KIF25: variants seen among roughly 807,000 people sequenced by gnomAD.
The protein encoded by KIF25 is kinesin-like protein KIF25.
In KIF25, 19 loss-of-function variants were observed where a neutral mutation model predicts 32.9. That is an observed-to-expected ratio of 0.58 (90% CI 0.40 to 0.85). The LOEUF (loss-of-function observed/expected upper bound fraction) is 0.85, where lower values mean the gene tolerates loss of function less well. Ranked by LOEUF, KIF25 falls within the 40% of genes least tolerant of loss-of-function variation. KIF25 has a pLI of 0.00. For missense variants in KIF25, 485 were observed against 507.0 expected (o/e 0.96, Z 0.42); for synonymous variants, 225 against 213.7 (o/e 1.05, Z -0.46).
intron 4 of KIF25, among the ~76,000 whole-genome samples, chr6:168,005,765 C>G (rs1270030047): frequency 6.6e-6 from 1 of 152,226 alleles, no homozygotes; most frequent in East Asian, 1.9e-4. Context: ...TTTCTGCCTG[C>G]TTTATATTTG....
intron 8 of KIF25, among the ~76,000 whole-genome samples, chr6:168,037,395 T>C (rs929527614): frequency 6.6e-6 from 1 of 152,170 alleles, no homozygotes; most frequent in African/African-American, 2.4e-5. Context: ...ACTGAGGACT[T>C]CCCGCCCGGT....
At chr6:168,035,804 G>A (rs1799016889) in intron 8 of KIF25, 3 of 455,956 alleles carry the variant, frequency 6.6e-6, no homozygotes, top group African/African-American at 2.0e-5. Context: ...GCTCTTCCAA[G>A]TGAGTGGCCC....
At chr6:168,041,760 C>T (rs949032141) in intron 10 of KIF25, among the ~76,000 whole-genome samples, 1 of 152,212 alleles carries the variant, frequency 6.6e-6, no homozygotes, top group African/African-American at 2.4e-5. Context: ...TTCAACCTTC[C>T]ACAGTGAAGA....
chr6:168,034,447 C>T (rs1480029839), intron 8 of KIF25, among the ~76,000 whole-genome samples: 3 of 152,162 alleles, frequency 2.0e-5, no homozygotes, highest in Middle Eastern at 3.4e-3. Context: ...TTAGTAGAGA[C>T]GGAGTTTCGC....
At chr6:168,042,811 A>C in intron 12 of KIF25, 95 bp downstream of exon 12, 2 of 1,398,242 alleles carry the variant, frequency 1.4e-6, no homozygotes, top group Non-Finnish European at 1.9e-6. Flanking sequence ...AGGGCCACCC[A>C]TGCACCCCCT....
intron 5 of KIF25, among the ~76,000 whole-genome samples, chr6:168,026,648 A>G (rs552298808): frequency 6.6e-6 from 1 of 152,298 alleles, no homozygotes; most frequent in African/African-American, 2.4e-5. Context: ...GGAAAGTTCA[A>G]TTTTACTATT....
chr6:168,029,882 C>T (rs993874160), intron 6 of KIF25, among the ~76,000 whole-genome samples: 2 of 152,344 alleles, frequency 1.3e-5, no homozygotes, highest in Admixed American at 6.5e-5. Flanking sequence ...TCATAAGGGT[C>T]CCCTCCCCCA....
Position 168,029,508 on chromosome 6 carries a change from A to C in KIF25, c.-78A>C. ...CCTTTACAGATATACTGGCCTTCCCAGCTGACATGGACCTCAGGTCAGCTT... is the reference window on the plus strand; with the variant it reads ...CCTTTACAGATATACTGGCCTTCCCCGCTGACATGGACCTCAGGTCAGCTT... On this transcript the variant is annotated 5_prime_UTR_variant, in exon 6 of 13. Transcript: ENST00000643607. 1 of 1,562,228 alleles carries C rather than the reference A, an allele frequency of 6.4e-7. No homozygotes were observed. Among genetic ancestry groups the C allele is most frequent in the Non-Finnish European group, 8.7e-7 (1 of 1,155,368 alleles).
intron 5 of KIF25, 142 bp from the exon 6 acceptor site, chr6:168,029,350 A>T: frequency 1.8e-6 from 1 of 566,610 alleles, no homozygotes; most frequent in Admixed American, 3.8e-5. Flanking sequence ...TTTCTAAAAC[A>T]CCAGCTGGAA....
intron 12 of KIF25, 72 bp downstream of exon 12, chr6:168,042,788 C>G: frequency 6.6e-7 from 1 of 1,512,520 alleles, no homozygotes; most frequent in Non-Finnish European, 8.9e-7. Context: ...CACTTCTGGC[C>G]TGCACGTCCT....
intron 4 of KIF25, among the ~76,000 whole-genome samples, chr6:168,007,346 G>A (rs1040726208): frequency 2.6e-5 from 4 of 152,146 alleles, no homozygotes; most frequent in Admixed American, 6.5e-5. Context: ...GGGAGGCAGA[G>A]GCTGCAGTGA....
At chr6:168,041,119 C>G (rs1474656369) in intron 10 of KIF25, among the ~76,000 whole-genome samples, 1 of 152,236 alleles carries the variant, frequency 6.6e-6, no homozygotes, top group Admixed American at 6.5e-5. Flanking sequence ...GTAGTCCCAT[C>G]AAAACCTGGT....
chr6:168,000,798 C>T (rs1798490213), intron 2 of KIF25, among the ~76,000 whole-genome samples: 1 of 134,814 alleles, frequency 7.4e-6, no homozygotes, highest in African/African-American at 2.8e-5. Context: ...GCACTGGGTC[C>T]CACTCCTGAC....
intron 2 of KIF25, among the ~76,000 whole-genome samples, chr6:168,002,146 TGAGGCGTGGCCTCGGGCAGGTGAGA>T (rs1798515498): frequency 1.4e-5 from 1 of 69,698 alleles, no homozygotes; most frequent in African/African-American, 5.9e-5. Flanking sequence ...AGAAGACACC[TGAGGCGTGGCCTCGGGCAGGTGAGA>T]AGACACCTGA....
chr6:168,011,167 A>G (rs1798642598), intron 4 of KIF25, among the ~76,000 whole-genome samples: 1 of 151,768 alleles, frequency 6.6e-6, no homozygotes. Context: ...CTGCTTTTTG[A>G]TTGTTTTGTC....
Position 167,997,898 on chromosome 6 carries a change from G to A in KIF25, c.-1571G>A, listed in dbSNP as rs1265185878. Among the ~76,000 whole-genome samples the A allele has an allele frequency of 6.6e-6, 1 of 152,120 alleles. No homozygotes were observed. Among genetic ancestry groups the A allele is most frequent in the East Asian group, 1.9e-4 (1 of 5,196 alleles). On this transcript the variant is annotated 5_prime_UTR_variant, in exon 1 of 13. Transcript: ENST00000643607. ...GTTCCTGCGAAGCTTCTCTTCCCTG[G>A]CCATGCCGAGAGGTTCTCCAGCTGT...
chr6:168,009,620 T>A (rs1295150798), intron 4 of KIF25, among the ~76,000 whole-genome samples: 1 of 152,132 alleles, frequency 6.6e-6, no homozygotes, highest in African/African-American at 2.4e-5. Context: ...CTGCTTCAGT[T>A]TTTTTTGCAA....
chr6:168,035,444 A>AAGCGGGAACGGCGCTGCGGGGGG (rs1799004681), intron 8 of KIF25, among the ~76,000 whole-genome samples: 7 of 17,504 alleles, frequency 4.0e-4, no homozygotes, highest in African/African-American at 2.3e-3. Context: ...GCGGCGGAGG[A>AAGCGGGAACGGCGCTGCGGGGGG]GGCGGGAACG....
At chr6:168,001,710 G>C (rs1191726169) in intron 2 of KIF25, among the ~76,000 whole-genome samples, 72 of 70,142 alleles carry the variant, frequency 1.0e-3, no homozygotes, top group East Asian at 1.5e-3. Flanking sequence ...GAAGACACCT[G>C]AGGCGTGGCC....
Sources: allele counts gnomAD v4.1 joint callset (sites outside exome capture counted in the v4.1 genomes callset), GRCh38; gene constraint gnomAD v4.1.1; transcripts MANE v1.5; gene names NCBI Gene and HGNC (gene_info 2026-07-23, HGNC 2026-07-21).